The following AGBL1 variants were observed in gnomAD, a reference collection of about 807,000 sequenced individuals.
AGBL1 encodes AGBL carboxypeptidase 1, also known as cytosolic carboxypeptidase 4.
AGBL1 carries 130 observed loss-of-function variants against 118.9 expected under a neutral mutation model. The ratio of observed to expected loss-of-function variants is 1.09; its 90% confidence interval spans 0.95 to 1.26. The LOEUF is 1.26. Among genes scored for constraint, AGBL1 ranks in the 50% most tolerant of loss-of-function variants. AGBL1 has a pLI of 0.00. For synonymous variants in AGBL1, 555 were observed against 478.9 expected, an observed-to-expected ratio of 1.16 and a Z score of -2.08; for missense variants, 1,584 against 1,298.1, an observed-to-expected ratio of 1.22 and a Z score of -3.38.
chr15:86,393,382 C>T (rs1468797883), intron 17 of AGBL1, among the ~76,000 whole-genome samples: 1 of 152,184 alleles, frequency 6.6e-6, no homozygotes, highest in South Asian at 2.1e-4. Context: ...GAGCTTAAGC[C>T]ATTTTTTATT....
intron 22 of AGBL1, among the ~76,000 whole-genome samples, chr15:86,697,480 TTTC>T (rs1353234941): frequency 6.8e-6 from 1 of 146,916 alleles, no homozygotes; most frequent in Non-Finnish European, 1.5e-5. Context: ...TCACTGAAGA[TTTC>T]TTCCCTCACA....
chr15:86,226,026 T>C (rs937114018), intron 6 of AGBL1, among the ~76,000 whole-genome samples: 9 of 152,094 alleles, frequency 5.9e-5, no homozygotes, highest in Admixed American at 5.2e-4. Flanking sequence ...TGATATGAGA[T>C]AACTTGAGAT....
At chr15:86,834,700 G>A (rs1458624957) in intron 22 of AGBL1, among the ~76,000 whole-genome samples, 3 of 152,058 alleles carry the variant, frequency 2.0e-5, no homozygotes, top group Admixed American at 6.6e-5. Context: ...GAGCCAACTC[G>A]GCATGGACTT....
chr15:86,683,101 T>A (rs1038495373), intron 22 of AGBL1, among the ~76,000 whole-genome samples: 4 of 152,180 alleles, frequency 2.6e-5, no homozygotes, highest in African/African-American at 9.6e-5. Flanking sequence ...GGTGTACACA[T>A]GCTGATTACG....
downstream of AGBL1, among the ~76,000 whole-genome samples, chr15:86,920,072 A>G (rs1000256931): frequency 5.3e-5 from 8 of 152,232 alleles, no homozygotes; most frequent in Non-Finnish European, 1.2e-4. Flanking sequence ...TCAGAAGCAC[A>G]GGGAACCTCC....
intron 18 of AGBL1, among the ~76,000 whole-genome samples, chr15:86,429,745 A>T (rs772256851): frequency 6.6e-6 from 1 of 152,256 alleles, no homozygotes; most frequent in Non-Finnish European, 1.5e-5. Context: ...GACATATTGT[A>T]TGTGAAATCA....
chr15:86,387,145 A>G (rs897882949), intron 17 of AGBL1, among the ~76,000 whole-genome samples: 2 of 152,204 alleles, frequency 1.3e-5, no homozygotes, highest in South Asian at 2.1e-4. Context: ...ATGATGTTAC[A>G]TCTATGTAAC....
rs977794607 is a variant in AGBL1, at chr15:86,079,898, G to C, written c.-75G>C. 78 of 1,122,306 alleles carry C rather than the reference G, an allele frequency of 6.9e-5. No individual in the cohort carries two copies. The highest frequency in any genetic ancestry group is 8.3e-5 in the Non-Finnish European group (74 of 886,576). 69.5% of individuals were successfully genotyped at this position (1,122,306 alleles called of 1,614,324 possible). On this transcript the variant is annotated 5_prime_UTR_variant, in exon 1 of 23. Transcript: ENST00000614907. Reference sequence around the variant, plus strand: ...TCGTCTCCTGCGAGGCGGGCAGCGAGGTCAGCTTGGCAGCCGCTGCCTCTC... The same window carrying C: ...TCGTCTCCTGCGAGGCGGGCAGCGACGTCAGCTTGGCAGCCGCTGCCTCTC...
chr15:86,150,648 A>T (rs1318255005), intron 3 of AGBL1, among the ~76,000 whole-genome samples: 1 of 152,230 alleles, frequency 6.6e-6, no homozygotes, highest in Non-Finnish European at 1.5e-5. Flanking sequence ...CACCAAAAAA[A>T]GTCCAGGTCC....
At chr15:86,353,951 C>T (rs2080671370) in intron 17 of AGBL1, among the ~76,000 whole-genome samples, 6 of 152,106 alleles carry the variant, frequency 3.9e-5, no homozygotes, top group Admixed American at 3.9e-4. Context: ...TTTTTTCTTT[C>T]ATGCATGGCT....
At chr15:86,883,675 A>G (rs555696491) in intron 22 of AGBL1, among the ~76,000 whole-genome samples, 1 of 152,242 alleles carries the variant, frequency 6.6e-6, no homozygotes, top group South Asian at 2.1e-4. Flanking sequence ...GTGCCCAGTA[A>G]TATCCCTAGC....
intron 17 of AGBL1, among the ~76,000 whole-genome samples, chr15:86,309,047 C>T (rs1056789560): frequency 6.6e-6 from 1 of 152,238 alleles, no homozygotes; most frequent in South Asian, 2.1e-4. Flanking sequence ...TATTTCAACC[C>T]ATGAACATGG....
At chr15:86,115,398 CT>C (rs1897691201) in intron 1 of AGBL1, among the ~76,000 whole-genome samples, 1 of 152,148 alleles carries the variant, frequency 6.6e-6, no homozygotes, top group Non-Finnish European at 1.5e-5. Flanking sequence ...ACTTTATTGG[CT>C]ATTTCTTTCT....
intron 17 of AGBL1, among the ~76,000 whole-genome samples, chr15:86,327,982 T>C (rs1014868952): frequency 1.3e-5 from 2 of 152,190 alleles, no homozygotes; most frequent in Admixed American, 1.3e-4. Flanking sequence ...GTGGACCCCA[T>C]ACCTATATGA....
At chr15:86,642,996 A>G (rs2085218077) in intron 21 of AGBL1, among the ~76,000 whole-genome samples, 1 of 152,216 alleles carries the variant, frequency 6.6e-6, no homozygotes, top group Admixed American at 6.5e-5. Flanking sequence ...CTTTAAATCA[A>G]TGATTATATG....
At chr15:86,815,255 C>A (rs1432267743) in intron 22 of AGBL1, among the ~76,000 whole-genome samples, 7 of 152,070 alleles carry the variant, frequency 4.6e-5, no homozygotes, top group African/African-American at 7.2e-5. Context: ...ATATTTTGAA[C>A]TTTTACTCAT....
At chr15:86,557,973 A>G (rs2083758611) in intron 21 of AGBL1, among the ~76,000 whole-genome samples, 1 of 152,090 alleles carries the variant, frequency 6.6e-6, no homozygotes, top group Non-Finnish European at 1.5e-5. Context: ...CAATGGGTAG[A>G]GCTGGAAAAT....
intron 22 of AGBL1, among the ~76,000 whole-genome samples, chr15:86,790,050 T>C (rs2078469576): frequency 6.6e-6 from 1 of 152,168 alleles, no homozygotes; most frequent in Non-Finnish European, 1.5e-5. Context: ...TTGTTATTTG[T>C]AACATGATGA....
At chr15:86,516,850 A>G (rs1596213544) in intron 18 of AGBL1, among the ~76,000 whole-genome samples, 1 of 151,760 alleles carries the variant, frequency 6.6e-6, no homozygotes, top group East Asian at 1.9e-4. Flanking sequence ...GATTGATGCA[A>G]GTGATGCGGT....
Sources: gnomAD v4.1 joint callset for allele counts (sites outside exome capture counted in the v4.1 genomes callset) on GRCh38, gnomAD v4.1.1 for gene constraint, MANE v1.5 for transcripts, NCBI Gene and HGNC (gene_info 2026-07-23, HGNC 2026-07-21) for gene names.